AFTPH: variants seen among roughly 807,000 people sequenced by gnomAD.
AFTPH encodes the protein aftiphilin protein.
Under a neutral mutation model 72.5 loss-of-function variants are expected in AFTPH, and 7 were observed. That is an observed-to-expected ratio of 0.10 (90% CI 0.05 to 0.18). AFTPH has a LOEUF of 0.18. Among genes scored for constraint, AFTPH ranks in the 10% least tolerant of loss-of-function variants. The probability of loss-of-function intolerance (pLI) is 1.00; values close to 1 mark genes in which losing one functional copy is unlikely to be tolerated. For synonymous variants in AFTPH, 337 were observed against 370.1 expected, an observed-to-expected ratio of 0.91 and a Z score of 1.03; for missense variants, 979 against 1,060.5, an observed-to-expected ratio of 0.92 and a Z score of 1.07.
chr2:64,561,004 A>G (rs3770734), intron 2 of AFTPH, among the ~76,000 whole-genome samples: 1 of 152,166 alleles, frequency 6.6e-6, no homozygotes, highest in African/African-American at 2.4e-5. Context: ...GCTTTGGGCT[A>G]GTTTCCATTC....
At chr2:64,562,119 A>G (rs1221262954) in intron 2 of AFTPH, among the ~76,000 whole-genome samples, 1 of 152,188 alleles carries the variant, frequency 6.6e-6, no homozygotes, top group African/African-American at 2.4e-5. Context: ...TGAAGACAGT[A>G]ATACTTCTGG....
intron 7 of AFTPH, among the ~76,000 whole-genome samples, chr2:64,583,629 G>C (rs377223926): frequency 6.6e-6 from 1 of 152,186 alleles, no homozygotes; most frequent in African/African-American, 2.4e-5. Context: ...AGCCTTTAGA[G>C]AGGGAGGTAC....
rs556363452 is a variant in AFTPH, at chr2:64,578,261, G to A, written c.2395-1225G>A. On this transcript the variant is annotated intron_variant, in intron 6 of 8. Coordinates refer to ENST00000238856, the Ensembl canonical transcript of AFTPH. Reference sequence around the variant, plus strand: ...GCAAGTGATCTTACCTACCTACGCAGAAAAAAATATAAAGTTTTAACAGTG... The same window carrying A: ...GCAAGTGATCTTACCTACCTACGCAAAAAAAAATATAAAGTTTTAACAGTG... Among the ~76,000 whole-genome samples the A allele has an allele frequency of 6.6e-5, 10 of 152,056 alleles. 1 individual carries two copies. In the South Asian group the frequency reaches 1.9e-3, roughly 28 times the overall value.
At chr2:64,546,858 C>T (rs1180417290) in intron 1 of AFTPH, among the ~76,000 whole-genome samples, 2 of 146,972 alleles carry the variant, frequency 1.4e-5, no homozygotes, top group African/African-American at 2.6e-5. Flanking sequence ...CACAGTGAAA[C>T]CCCGTCTCTA....
At chr2:64,592,673 G>A (rs1352822773) in exon 9 of AFTPH, 5 of 152,528 alleles carry the variant, frequency 3.3e-5, no homozygotes, top group African/African-American at 4.8e-5. Context: ...AAGAGATTGT[G>A]TCTGTTTAAA....
At chr2:64,552,247 C>A in exon 2 of AFTPH, 1 of 1,613,922 alleles carries the variant, frequency 6.2e-7, no homozygotes, top group Non-Finnish European at 8.5e-7. Context: ...GATAGAGAAG[C>A]ACTAACCATT....
At chr2:64,553,702 TAA>T (rs5831703) in intron 2 of AFTPH, among the ~76,000 whole-genome samples, 8,828 of 139,236 alleles carry the variant, frequency 0.063, 611 homozygotes, top group African/African-American at 0.17. Context: ...CCATATATGT[TAA>T]AAAAAAAAAA....
intron 5 of AFTPH, among the ~76,000 whole-genome samples, chr2:64,572,403 A>G (rs962391563): frequency 3.3e-5 from 5 of 152,142 alleles, no homozygotes; most frequent in African/African-American, 1.2e-4. Context: ...ATGTCATATT[A>G]TATGGCGTGT....
chr2:64,563,326 A>C (rs997727417), intron 2 of AFTPH, among the ~76,000 whole-genome samples: 27 of 152,222 alleles, frequency 1.8e-4, no homozygotes, highest in Non-Finnish European at 3.7e-4. Flanking sequence ...ATGTACCCCC[A>C]AAAAATTTTT....
At chr2:64,548,974 T>C (rs1670848683) in intron 1 of AFTPH, among the ~76,000 whole-genome samples, 1 of 152,246 alleles carries the variant, frequency 6.6e-6, no homozygotes, top group African/African-American at 2.4e-5. Context: ...TCTGAGTGAC[T>C]GACCAGTCGT....
chr2:64,548,491 A>G (rs1057262258), intron 1 of AFTPH, among the ~76,000 whole-genome samples: 2 of 149,330 alleles, frequency 1.3e-5, no homozygotes, highest in Non-Finnish European at 3.0e-5. Context: ...TTGTAGGGAT[A>G]TAGTATAACT....
chr2:64,543,415 G>A (rs1307042674), intron 1 of AFTPH, among the ~76,000 whole-genome samples: 1 of 152,196 alleles, frequency 6.6e-6, no homozygotes. Flanking sequence ...TCTGTAATCA[G>A]TGTTTCTGTT....
At chr2:64,565,649 A>G (rs758977535) in intron 2 of AFTPH, among the ~76,000 whole-genome samples, 1 of 152,176 alleles carries the variant, frequency 6.6e-6, no homozygotes, top group Non-Finnish European at 1.5e-5. Flanking sequence ...GTTTTTGTAA[A>G]TAAGTTTCAC....
chr2:64,560,511 G>A (rs1220608873), intron 2 of AFTPH, among the ~76,000 whole-genome samples: 3 of 152,196 alleles, frequency 2.0e-5, no homozygotes, highest in Non-Finnish European at 4.4e-5. Context: ...AAGATGTGGT[G>A]TAGCCAAGGA....
At chr2:64,566,607 A>G (rs1672105774) in intron 2 of AFTPH, among the ~76,000 whole-genome samples, 1 of 152,190 alleles carries the variant, frequency 6.6e-6, no homozygotes, top group African/African-American at 2.4e-5. Context: ...TTCCCAGTTG[A>G]TGTTTAAATG....
intron 8 of AFTPH, among the ~76,000 whole-genome samples, chr2:64,589,529 TAAG>T (rs1211421234): frequency 2.6e-5 from 4 of 152,322 alleles, no homozygotes; most frequent in South Asian, 2.1e-4. Context: ...TCCCATATTC[TAAG>T]AAGACTAGCT....
chr2:64,558,229 T>G (rs1671509227), intron 2 of AFTPH, among the ~76,000 whole-genome samples: 1 of 152,198 alleles, frequency 6.6e-6, no homozygotes, highest in Admixed American at 6.5e-5. Context: ...GGAAATAAGT[T>G]GAAGGAATAT....
intron 2 of AFTPH, among the ~76,000 whole-genome samples, chr2:64,554,358 C>T (rs1671234638): frequency 6.6e-6 from 1 of 152,170 alleles, no homozygotes; most frequent in South Asian, 2.1e-4. Context: ...TGGAAGAGGG[C>T]ACTCCCTTGA....
chr2:64,554,935 A>T (rs562990186), intron 2 of AFTPH, among the ~76,000 whole-genome samples: 1 of 152,328 alleles, frequency 6.6e-6, no homozygotes, highest in African/African-American at 2.4e-5. Context: ...CTCAAGTAGG[A>T]ATTTCTTGCA....
Sources: allele counts gnomAD v4.1 joint callset (sites outside exome capture counted in the v4.1 genomes callset), GRCh38; gene constraint gnomAD v4.1.1; transcripts MANE v1.5; gene names NCBI Gene and HGNC (gene_info 2026-07-23, HGNC 2026-07-21).